Variants in SSUH2 observed in about 807,000 individuals in gnomAD.
The protein encoded by SSUH2 is ssu-2 homolog, also known as protein SSUH2 homolog.
A neutral mutation model predicts 55.3 loss-of-function variants in SSUH2; 47 were observed. That is an observed-to-expected ratio of 0.85 (90% confidence interval 0.67 to 1.08). SSUH2 has a LOEUF of 1.08. SSUH2 is among the 50% of genes least tolerant of loss of function. SSUH2 has a pLI of 0.00. For missense variants in SSUH2, 535 were observed against 490.7 expected, an observed-to-expected ratio of 1.09 and a Z score of -0.85; for synonymous variants, 212 against 191.5, an observed-to-expected ratio of 1.11 and a Z score of -0.89.
intron 10 of SSUH2, 37 bp downstream of exon 10, chr3:8,625,505 C>G: frequency 7.3e-7 from 1 of 1,360,934 alleles, no homozygotes; most frequent in Non-Finnish European, 1.0e-6. Context: ...GAGGAGGAAC[C>G]CAGCTTCCTT....
chr3:8,654,765 T>C (rs1196849838), intron 7 of SSUH2, among the ~76,000 whole-genome samples: 1 of 142,136 alleles, frequency 7.0e-6, no homozygotes, highest in Admixed American at 7.0e-5. Context: ...AATCAAAGTA[T>C]GTGGTCTTCT....
chr3:8,642,297 T>C (rs1259082539), intron 1 of SSUH2, among the ~76,000 whole-genome samples: 3 of 152,200 alleles, frequency 2.0e-5, no homozygotes, highest in African/African-American at 4.8e-5. Flanking sequence ...ACCTCTAGGA[T>C]TGTTGAAGAA....
intron 6 of SSUH2, among the ~76,000 whole-genome samples, chr3:8,663,562 G>C (rs889053497): frequency 6.6e-6 from 1 of 152,198 alleles, no homozygotes; most frequent in Non-Finnish European, 1.5e-5. Flanking sequence ...CCACAGCAGT[G>C]GGGCGGGGTG....
At position 8,621,553 on chromosome 3, in the gene SSUH2, G is replaced by C. The variant is rs1451798668; in HGVS notation, c.982-1539C>G. Among the ~76,000 whole-genome samples, 3 of 152,150 alleles carry C rather than the reference G, an allele frequency of 2.0e-5. No homozygotes were observed. The East Asian group carries it at 5.8e-4, about 29-fold the overall frequency. Reference sequence around the variant, plus strand: ...TTGCAGAAGGAAGAGGGGAATCAGAGTCAGGGCACAAAATTTCCACACAGC... The same window carrying C: ...TTGCAGAAGGAAGAGGGGAATCAGACTCAGGGCACAAAATTTCCACACAGC... On this transcript the variant is annotated intron_variant, in intron 11 of 11. Coordinates refer to ENST00000544814, the MANE Select transcript of SSUH2 (RefSeq NM_001256748.3).
At chr3:8,644,462 A>G (rs1701390213) in intron 1 of SSUH2, among the ~76,000 whole-genome samples, 1 of 152,232 alleles carries the variant, frequency 6.6e-6, no homozygotes, top group South Asian at 2.1e-4. Flanking sequence ...CCAAAGGCTC[A>G]TAACGGAAGA....
At chr3:8,638,173 C>G (rs1700232413) in intron 1 of SSUH2, among the ~76,000 whole-genome samples, 1 of 152,084 alleles carries the variant, frequency 6.6e-6, no homozygotes, top group South Asian at 2.1e-4. Flanking sequence ...CCATGCATGT[C>G]CACTGTAGTT....
chr3:8,625,466 C>G (rs1271227970), intron 10 of SSUH2, 76 bp downstream of exon 10: 2 of 878,574 alleles, frequency 2.3e-6, no homozygotes, highest in African/African-American at 3.3e-5. Context: ...CCTGCACACA[C>G]AGCTAGCAGC....
At chr3:8,650,580 TA>T (rs1411544247) in intron 7 of SSUH2, among the ~76,000 whole-genome samples, 1 of 152,222 alleles carries the variant, frequency 6.6e-6, no homozygotes, top group Non-Finnish European at 1.5e-5. Flanking sequence ...AATTTTTAAA[TA>T]CCAGTTTGTC....
intron 3 of SSUH2, 102 bp downstream of exon 3, chr3:8,635,198 G>T: frequency 3.1e-6 from 3 of 962,332 alleles, no homozygotes; most frequent in South Asian, 1.7e-5. Context: ...GGTGCAGACG[G>T]CCCCCTCCAG....
At position 8,623,674 on chromosome 3, in the gene SSUH2, A is replaced by G. The variant is rs9809581; in HGVS notation, c.874-18T>C. On this transcript the variant is annotated intron_variant, in intron 10 of 11. Coordinates refer to ENST00000544814, the MANE Select transcript of SSUH2 (RefSeq NM_001256748.3). Reference sequence around the variant, plus strand: ...GGGTACACCTGGGGGAAAGAGAGAGAGACACAGACCACCTGGCTGCCGCAC... The same window carrying G: ...GGGTACACCTGGGGGAAAGAGAGAGGGACACAGACCACCTGGCTGCCGCAC... 268,793 of 1,368,644 alleles carry G rather than the reference A, an allele frequency of 0.2. 29,298 individuals carry two copies. Among genetic ancestry groups the G allele is most frequent in the African/African-American group, 0.45 (30,829 of 69,172 alleles). The allele number at this position is 1,368,644 out of a possible 1,614,324, so 84.8% of individuals were successfully genotyped here.
At position 8,627,755 on chromosome 3, in the gene SSUH2, T is replaced by C; in HGVS notation, c.617A>G (p.Lys206Arg). ...TVRCPSCCGA[K>R]RKAKQSRRCQ... is the part of the protein sequence containing the mutation. The stretch of plus-strand genomic sequence containing the variant: ...TCTCCGGGACTGCTTGGCTTTGCGC[T>C]TGGCTCCGCAGCAGGATGGGCACCG... The change falls in exon 8 of 12, where the codon AAG (lysine) becomes AGG (arginine). Residue 206 changes from lysine to arginine, a missense_variant. Transcript: ENST00000544814. 1.2e-6 allele frequency: 2 copies of C among 1,610,344 alleles called. No individual in the cohort carries two copies. The highest frequency in any genetic ancestry group is 1.7e-6 in the Non-Finnish European group (2 of 1,178,466).
intron 10 of SSUH2, among the ~76,000 whole-genome samples, chr3:8,625,318 C>T (rs541435955): frequency 1.3e-5 from 2 of 151,688 alleles, no homozygotes; most frequent in South Asian, 2.1e-4. Flanking sequence ...GAAGGAAGAA[C>T]GGCATGGTGG....
intron 2 of SSUH2, among the ~76,000 whole-genome samples, chr3:8,677,646 C>T (rs1430137806): frequency 2.7e-5 from 4 of 150,936 alleles, no homozygotes; most frequent in Non-Finnish European, 5.9e-5. Context: ...GGGGCCCTGG[C>T]TGAGGCCGGT....
rs1220314075 is a variant in SSUH2, at chr3:8,625,469, C to T, written c.873+73G>A. On this transcript the variant is annotated intron_variant, in intron 10 of 11. Coordinates refer to ENST00000544814, the MANE Select transcript of SSUH2 (RefSeq NM_001256748.3). ...CAAGGAATGCAGCCTGCACACACAG[C>T]TAGCAGCCCCAGGCCCACGAGAGCA... 3.3e-6 allele frequency: 3 copies of T among 902,990 alleles called. No individual in the cohort carries two copies. The African/African-American group carries it at 4.9e-5, about 15-fold the overall frequency. The allele number at this position is 902,990 out of a possible 1,614,324, so 55.9% of individuals were successfully genotyped here.
intron 7 of SSUH2, 118 bp from the exon 8 acceptor site, chr3:8,627,901 C>T: frequency 1.3e-6 from 1 of 744,498 alleles, no homozygotes; most frequent in Non-Finnish European, 2.1e-6. Flanking sequence ...GCCTTAGCCC[C>T]TTCATCTGTA....
At chr3:8,666,937 C>T (rs1405789631) in intron 5 of SSUH2, among the ~76,000 whole-genome samples, 1 of 152,198 alleles carries the variant, frequency 6.6e-6, no homozygotes, top group Non-Finnish European at 1.5e-5. Flanking sequence ...ACAGATGATA[C>T]TGATGAAGAG....
intron 1 of SSUH2, 46 bp from the exon 2 acceptor site, chr3:8,635,903 G>A: frequency 6.8e-7 from 1 of 1,471,654 alleles, no homozygotes; most frequent in Non-Finnish European, 9.1e-7. Context: ...GGAGGCGAGG[G>A]CTGATGAGGG....
chr3:8,631,017 T>G (rs1698662912), intron 5 of SSUH2, 88 bp from the exon 6 acceptor site: 4 of 1,281,138 alleles, frequency 3.1e-6, no homozygotes, highest in Non-Finnish European at 2.0e-6. Flanking sequence ...AAGCCTTCAG[T>G]TGGTGCCAGG....
chr3:8,626,652 C>G (rs1013404746), intron 8 of SSUH2, among the ~76,000 whole-genome samples: 1 of 151,794 alleles, frequency 6.6e-6, no homozygotes, highest in Non-Finnish European at 1.5e-5. Context: ...GGCACATGAC[C>G]CAGGCGAGTG....
Sources: allele counts gnomAD v4.1 joint callset (sites outside exome capture counted in the v4.1 genomes callset), GRCh38; gene constraint gnomAD v4.1.1; transcripts MANE v1.5; gene names NCBI Gene and HGNC (gene_info 2026-07-23, HGNC 2026-07-21).